SCNN1B: variants seen among roughly 807,000 people sequenced by gnomAD.
The protein encoded by SCNN1B is epithelial sodium channel subunit beta.
Under a neutral mutation model 65.3 loss-of-function variants are expected in SCNN1B, and 46 were observed. The ratio of observed to expected loss-of-function variants is 0.70; its 90% CI spans 0.56 to 0.90. The LOEUF is 0.90. Among genes scored for constraint, SCNN1B ranks in the 40% least tolerant of loss-of-function variants. SCNN1B has a pLI of 0.00. For missense variants in SCNN1B, 751 were observed against 830.5 expected (o/e 0.90, Z 1.18); for synonymous variants, 349 against 330.6 (o/e 1.06, Z -0.60).
At chr16:23,318,562 T>C (rs530941249) in intron 1 of SCNN1B, among the ~76,000 whole-genome samples, 3 of 152,200 alleles carry the variant, frequency 2.0e-5, no homozygotes, top group African/African-American at 7.2e-5. Context: ...TGAGCCGAGA[T>C]TGCGCCAAGG....
chr16:23,360,226 A>AAAT (rs1962517276), intron 4 of SCNN1B, among the ~76,000 whole-genome samples: 1 of 150,202 alleles, frequency 6.7e-6, no homozygotes, highest in South Asian at 2.1e-4. Context: ...ATAAATAAAT[A>AAAT]AACAAATAAA....
chr16:23,303,849 G>A (rs1388660911), intron 1 of SCNN1B: 2 of 588,086 alleles, frequency 3.4e-6, no homozygotes, highest in East Asian at 5.6e-5. Context: ...AACCCAGGAG[G>A]TGGAGGTTGC....
rs563715189 is a variant in SCNN1B, at chr16:23,285,574, C to T, written n.178+1770C>T. 1.1e-3 allele frequency among the ~76,000 whole-genome samples: 166 copies of T among 151,854 alleles called. 1 individual carries two copies. The highest frequency in any genetic ancestry group is 3.7e-3 in the African/African-American group (152 of 41,378). On this transcript the variant is annotated intron_variant and non_coding_transcript_variant, in intron 2 of 3. Coordinates refer to the SCNN1B transcript ENST00000569789. ...CCAAAGCAGGAGACTCACTTGAGCC[C>T]GGGAGTTGAAGAACAGCCTGGCCAA...
At chr16:23,340,928 A>G (rs1962042387) in intron 1 of SCNN1B, among the ~76,000 whole-genome samples, 1 of 152,010 alleles carries the variant, frequency 6.6e-6, no homozygotes, top group Non-Finnish European at 1.5e-5. Context: ...ATGTGTACAC[A>G]TGCATGTGTG....
chr16:23,326,942 CT>C (rs1451635095), intron 1 of SCNN1B, among the ~76,000 whole-genome samples: 2 of 151,394 alleles, frequency 1.3e-5, no homozygotes, highest in African/African-American at 4.9e-5. Flanking sequence ...TTATTATGTT[CT>C]TTTATTGCTA....
At chr16:23,318,587 C>A (rs1024326416) in intron 1 of SCNN1B, among the ~76,000 whole-genome samples, 1 of 152,056 alleles carries the variant, frequency 6.6e-6, no homozygotes, top group African/African-American at 2.4e-5. Context: ...CCAGCCAGGG[C>A]AATAGACTGA....
chr16:23,351,886 A>C (rs1447216543), intron 2 of SCNN1B, among the ~76,000 whole-genome samples: 2 of 152,092 alleles, frequency 1.3e-5, no homozygotes, highest in Admixed American at 1.3e-4. Flanking sequence ...TGGGAGGGAG[A>C]TCTCAGAACC....
chr16:23,323,071 G>A (rs908917185), intron 1 of SCNN1B, among the ~76,000 whole-genome samples: 1 of 151,982 alleles, frequency 6.6e-6, no homozygotes, highest in Non-Finnish European at 1.5e-5. Context: ...ATGGGCGCAT[G>A]CCTGTAATCC....
chr16:23,304,128 T>TA, intron 1 of SCNN1B: 1 of 1,504,256 alleles, frequency 6.6e-7, no homozygotes, highest in Non-Finnish European at 8.9e-7. Flanking sequence ...GCATCTTCTA[T>TA]AAATTGTTAT....
chr16:23,294,969 G>A (rs1052407222), intron 2 of SCNN1B, among the ~76,000 whole-genome samples: 1 of 151,930 alleles, frequency 6.6e-6, no homozygotes, highest in Admixed American at 6.6e-5. Flanking sequence ...CTCCAGCCTG[G>A]GTGACAGAGC....
intron 7 of SCNN1B, among the ~76,000 whole-genome samples, chr16:23,375,409 T>C (rs1237462044): frequency 1.3e-5 from 2 of 151,982 alleles, no homozygotes; most frequent in Non-Finnish European, 2.9e-5. Flanking sequence ...CTCTGAGCAT[T>C]GGCTTTATTA....
intron 4 of SCNN1B, among the ~76,000 whole-genome samples, chr16:23,365,871 G>A (rs374679591): frequency 1.2e-4 from 18 of 152,344 alleles, no homozygotes; most frequent in African/African-American, 4.3e-4. Flanking sequence ...GGCAGAGCTT[G>A]GGTCGGCCCC....
At chr16:23,297,923 C>G (rs573775145), upstream of SCNN1B, among the ~76,000 whole-genome samples, 3 of 152,128 alleles carry the variant, frequency 2.0e-5, no homozygotes, top group East Asian at 5.8e-4. Context: ...CTCCCACACC[C>G]CCAAAAAAGA....
chr16:23,283,162 G>A (rs1960805168), intron 1 of SCNN1B, among the ~76,000 whole-genome samples: 1 of 152,246 alleles, frequency 6.6e-6, no homozygotes, highest in Non-Finnish European at 1.5e-5. Flanking sequence ...TGTAATCCCA[G>A]GACGTTGGGA....
In SCNN1B at chr16:23,355,381, C is replaced by T. The variant is rs1728309953; in HGVS notation, c.668C>T (p.Ala223Val). The change falls in exon 4 of 13, where the codon GCC becomes GTC. Residue 223 changes from alanine to valine, a missense_variant. Transcript: ENST00000343070. ...QALTEWYILQ[A>V]TNIFAQVPQQ... is the part of the protein sequence containing the mutation. ...TTGACAGAGTGGTACATCCTGCAGG[C>T]CACCAACATCTTTGCACAGGTGCCA... 2 of 1,614,030 alleles carry T rather than the reference C, an allele frequency of 1.2e-6. No individual in the cohort carries two copies. The highest frequency in any genetic ancestry group is 1.1e-5 in the South Asian group (1 of 91,070).
At chr16:23,294,218 A>G (rs1327454662) in intron 2 of SCNN1B, among the ~76,000 whole-genome samples, 1 of 152,056 alleles carries the variant, frequency 6.6e-6, no homozygotes, top group Admixed American at 6.6e-5. Flanking sequence ...GTATTTTTGT[A>G]TTTTTAGTCT....
chr16:23,341,582 TATATAA>T (rs1169575925), intron 1 of SCNN1B, among the ~76,000 whole-genome samples: 2 of 152,122 alleles, frequency 1.3e-5, no homozygotes, highest in African/African-American at 4.8e-5. Flanking sequence ...GTGTATAGAA[TATATAA>T]ATAACTCTTG....
intron 1 of SCNN1B, among the ~76,000 whole-genome samples, chr16:23,319,297 C>T (rs1021134065): frequency 6.6e-6 from 1 of 152,128 alleles, no homozygotes; most frequent in Admixed American, 6.5e-5. Flanking sequence ...CCACCTGCCT[C>T]GGCCTCCCAA....
At chr16:23,287,007 GT>G (rs5816209) in intron 2 of SCNN1B, among the ~76,000 whole-genome samples, 57,385 of 138,502 alleles carry the variant, frequency 0.41, 12,666 homozygotes, top group African/African-American at 0.63. Context: ...TTGCTGGGTT[GT>G]TTTTTTTTTT....
Sources: allele counts gnomAD v4.1 joint callset (sites outside exome capture counted in the v4.1 genomes callset), GRCh38; gene constraint gnomAD v4.1.1; transcripts MANE v1.5; gene names NCBI Gene and HGNC (gene_info 2026-07-23, HGNC 2026-07-21).